PRSS22: variants seen among roughly 807,000 people sequenced by gnomAD.
PRSS22 encodes the protein serine protease 22.
In PRSS22, 26 loss-of-function variants were observed where a neutral mutation model predicts 28.0. The ratio of observed to expected loss-of-function variants is 0.93; its 90% CI spans 0.68 to 1.29. The LOEUF (loss-of-function observed/expected upper bound fraction) is 1.29, where lower values mean the gene tolerates loss of function less well. Ranked by LOEUF, PRSS22 falls within the 50% of genes most tolerant of loss-of-function variation. PRSS22 has a pLI of 0.00. For synonymous variants in PRSS22, 217 were observed against 177.9 expected, an observed-to-expected ratio of 1.22 and a Z score of -1.75; for missense variants, 444 against 422.1, an observed-to-expected ratio of 1.05 and a Z score of -0.46.
chr16:2,853,911 T>C lies in PRSS22; in HGVS notation c.671A>G (p.Asp224Gly). The C allele has an allele frequency of 6.2e-7, 1 of 1,614,106 alleles. No homozygotes were observed. The highest frequency in any genetic ancestry group is 1.1e-5 in the South Asian group (1 of 91,084). The part of the protein sequence containing the change: ...RGAGQGPITE[D>G]MLCAGYLEGE... ...CTCCAAGTAGCCGGCACACAGCATG[T>C]CCTCAGTGATGGGTCCCTGTCCTGC... The change falls in exon 5 of 6, where the codon GAC becomes GGC. Residue 224 changes from aspartate to glycine, a missense_variant. Physicochemically the swap from Asp to Gly is moderately conservative, Grantham distance 94. Coordinates refer to ENST00000161006, the MANE Select transcript of PRSS22 (RefSeq NM_022119.4). The surrounding 1 kb of genome is among the most constrained non-coding windows in gnomAD (Gnocchi z 4.6).
chr16:2,855,454 C>T, intron 4 of PRSS22, 120 bp downstream of exon 4: 1 of 1,111,358 alleles, frequency 9.0e-7, no homozygotes, highest in South Asian at 1.6e-5. Context: ...TTCCTTCCAC[C>T]TCTGTCATGC....
rs1303857264 is a variant in PRSS22 at position 2,856,179 on chromosome 16, G to T, written c.184C>A (p.Pro62Thr). The change falls in exon 3 of 6, where the codon CCC becomes ACC. Residue 62 changes from proline (P) to threonine (T), a missense_variant. Transcript: ENST00000161006. Reference sequence around the variant, plus strand: ...TTCTTCTGGATGCTCACGATCCAGGGCCACTCGCTGTCAGTGCTGTCCTCG... The same window carrying T: ...TTCTTCTGGATGCTCACGATCCAGGTCCACTCGCTGTCAGTGCTGTCCTCG... ...GGEDSTDSEW[P>T]WIVSIQKNGT... 6.2e-7 allele frequency: 1 copy of T among 1,613,820 alleles called. No individual in the cohort carries two copies. Among genetic ancestry groups the T allele is most frequent in the South Asian group, 1.1e-5 (1 of 91,068 alleles).
rs552636032 is a variant in PRSS22, at chr16:2,853,678, G to A, written c.717+187C>T. Among the ~76,000 whole-genome samples, 1 of 152,220 alleles carries A rather than the reference G, an allele frequency of 6.6e-6. No homozygotes were observed. Among genetic ancestry groups the A allele is most frequent in the Non-Finnish European group, 1.5e-5 (1 of 68,046 alleles). On this transcript the variant is annotated intron_variant, in intron 5 of 5. Transcript: ENST00000161006. This position sits in a 1 kb window ranked among gnomAD's most constrained non-coding sequence, Gnocchi z 4.6. ...GTGCAGCTGGGATGCCCAGTTTAATGTCTGAACAAATAAGTGAGTGGCTGA... is the reference window on the plus strand; with the variant it reads ...GTGCAGCTGGGATGCCCAGTTTAATATCTGAACAAATAAGTGAGTGGCTGA...
intron 4 of PRSS22, chr16:2,854,479 C>G (rs957321918): frequency 6.6e-5 from 11 of 166,694 alleles, no homozygotes; most frequent in Non-Finnish European, 1.3e-4. Context: ...TGAAGAAGCC[C>G]CTACAGAGAT....
chr16:2,856,769 G>A (rs150591480), intron 2 of PRSS22, 53 bp downstream of exon 2: 3 of 1,547,964 alleles, frequency 1.9e-6, no homozygotes, highest in Non-Finnish European at 2.6e-6. Flanking sequence ...GACACTGCCT[G>A]CGCGTGGGCC....
At chr16:2,855,965 G>A (rs1420673902) in intron 3 of PRSS22, 114 bp from the exon 4 acceptor site, 7 of 1,504,862 alleles carry the variant, frequency 4.7e-6, no homozygotes, top group Admixed American at 2.1e-5. Context: ...AGGTAGAATC[G>A]AGGGGCACCA....
chr16:2,853,221 T>G lies in PRSS22; in HGVS notation c.826A>C (p.Ile276Leu). ...CAGGAGCGGTGCGCAGAGAGGCTGA[T>G]GTAGACCCCGGGCCTGTTGCGCTCG... Reference protein sequence around the residue: ...CAERNRPGVYISLSAHRSWVE... With the variant: ...CAERNRPGVYLSLSAHRSWVE... Residue 276 changes from isoleucine (I) to leucine (L), a missense_variant, in exon 6 of 6, where the codon ATC becomes CTC. Transcript: ENST00000161006. This position sits in a 1 kb window ranked among gnomAD's most constrained non-coding sequence, Gnocchi z 4.6. 1 of 1,600,726 alleles carries G rather than the reference T, an allele frequency of 6.2e-7. No homozygotes were observed. Among genetic ancestry groups the G allele is most frequent in the Non-Finnish European group, 8.5e-7 (1 of 1,179,688 alleles).
At position 2,855,909 on chromosome 16, in the gene PRSS22, G is replaced by A. The variant is rs113810453; in HGVS notation, c.282-58C>T. On this transcript the variant is annotated intron_variant, in intron 3 of 5. Transcript: ENST00000161006. Reference sequence around the variant, plus strand: ...GCCTGGTCTGGGAGGAGGTACCTGGGGGAACAGCATGGGTGTGAAGGCCCC... The same window carrying A: ...GCCTGGTCTGGGAGGAGGTACCTGGAGGAACAGCATGGGTGTGAAGGCCCC... 5.9e-4 allele frequency: 932 copies of A among 1,570,246 alleles called. 4 individuals carry two copies. In the African/African-American group the frequency reaches 9.2e-3, roughly 15 times the overall value.
At chr16:2,854,675 A>G (rs2069438704) in intron 4 of PRSS22, among the ~76,000 whole-genome samples, 1 of 151,980 alleles carries the variant, frequency 6.6e-6, no homozygotes, top group African/African-American at 2.4e-5. Flanking sequence ...TTCTGCCTGT[A>G]TGTTTCTTTT....
intron 4 of PRSS22, 38 bp from the exon 5 acceptor site, chr16:2,854,060 C>T (rs757322021): frequency 1.9e-6 from 3 of 1,612,074 alleles, no homozygotes; most frequent in Non-Finnish European, 2.5e-6. Flanking sequence ...TTGGGGGTCT[C>T]CCCTCCTCGT....
Position 2,853,275 on chromosome 16 carries a change from C to A in PRSS22, c.772G>T (p.Gly258Cys). 1 of 1,600,232 alleles carries A rather than the reference C, an allele frequency of 6.2e-7. No individual in the cohort carries two copies. The highest frequency in any genetic ancestry group is 8.5e-7 in the Non-Finnish European group (1 of 1,179,606). ...CAGCCCTCGCCCCAGCTGATGATGC[C>A]GGCCAGCAGCCAGGCGCCGTCCACC... ...CQVDGAWLLA[G>C]IISWGEGCAE... Residue 258 changes from glycine to cysteine, a missense_variant, in exon 6 of 6, where the codon GGC (glycine) becomes TGC (cysteine). Physicochemically the swap from Gly to Cys is radical, Grantham distance 159. Transcript: ENST00000161006. This position sits in a 1 kb window ranked among gnomAD's most constrained non-coding sequence, Gnocchi z 4.6.
At chr16:2,857,444 G>A (rs2069472375) in intron 1 of PRSS22, among the ~76,000 whole-genome samples, 1 of 152,132 alleles carries the variant, frequency 6.6e-6, no homozygotes, top group African/African-American at 2.4e-5. Flanking sequence ...TGAGTACCTG[G>A]TGGTGAGGAA....
Position 2,852,951 on chromosome 16 carries a change from C to T in PRSS22, c.*142G>A, listed in dbSNP as rs1309044498. ...GCGGGTCGGGGAGGGGGTTTCCTTT[C>T]CGCAGCAGCCGTCCGGGCCCCCAGA... On this transcript the variant is annotated 3_prime_UTR_variant, in exon 6 of 6. Coordinates refer to ENST00000161006, the MANE Select transcript of PRSS22 (RefSeq NM_022119.4). 5 of 630,256 alleles carry T rather than the reference C, an allele frequency of 7.9e-6. No individual in the cohort carries two copies. Among genetic ancestry groups the T allele is most frequent in the East Asian group, 6.2e-5 (2 of 32,278 alleles). 39.0% of individuals were successfully genotyped at this position (630,256 alleles called of 1,614,324 possible).
At chr16:2,857,587 C>A in intron 1 of PRSS22, 1 of 164,350 alleles carries the variant, frequency 6.1e-6, no homozygotes, top group Non-Finnish European at 1.3e-5. Flanking sequence ...AGCTTCCCGT[C>A]CAGCCTGCCT....
chr16:2,856,737 G>T, intron 2 of PRSS22, 85 bp downstream of exon 2: 1 of 1,483,474 alleles, frequency 6.7e-7, no homozygotes, highest in Non-Finnish European at 9.2e-7. Flanking sequence ...TTTCTGACCT[G>T]TGCCCAGGGG....
chr16:2,856,219 G>A lies in PRSS22; in HGVS notation c.144C>T (p.Asn48=), dbSNP rs2069455083. The A allele has an allele frequency of 1.9e-6, 3 of 1,613,586 alleles. No homozygotes were observed. The African/African-American group carries it at 4.0e-5, about 22-fold the overall frequency. The change falls in exon 3 of 6, where the codon AAC becomes AAT. Residue 48 remains asparagine, a synonymous_variant. Coordinates refer to ENST00000161006, the MANE Select transcript of PRSS22 (RefSeq NM_022119.4). The part of the protein sequence containing the change: ...PPACGKPQQL[N]RVVGGEDSTD... ...TGCTGTCCTCGCCGCCCACAACCCG[G>A]TTCAGCTGCTGGGGCTTCCCACAGG...
rs753423446 is a variant in PRSS22 at position 2,856,217 on chromosome 16, C to T, written c.146G>A (p.Arg49Gln). ...PACGKPQQLN[R>Q]VVGGEDSTDS... ...AGTGCTGTCCTCGCCGCCCACAACCCGGTTCAGCTGCTGGGGCTTCCCACA... is the reference window on the plus strand; with the variant it reads ...AGTGCTGTCCTCGCCGCCCACAACCTGGTTCAGCTGCTGGGGCTTCCCACA... Residue 49 changes from arginine (R) to glutamine (Q), a missense_variant, in exon 3 of 6, where the codon CGG becomes CAG. By Grantham distance (43) the Arg-to-Gln change is conservative (BLOSUM62 1). Transcript: ENST00000161006. 4.1e-5 allele frequency: 66 copies of T among 1,613,612 alleles called. No homozygotes were observed. Among genetic ancestry groups the T allele is most frequent in the Non-Finnish European group, 5.1e-5 (60 of 1,179,950 alleles).
At position 2,855,659 on chromosome 16, in the gene PRSS22, C is replaced by T. The variant is rs780295798; in HGVS notation, c.474G>A (p.Leu158=). The T allele has an allele frequency of 1.9e-6, 3 of 1,614,064 alleles. No individual in the cohort carries two copies. In the Admixed American group the frequency reaches 5.0e-5, roughly 27 times the overall value. Residue 158 remains leucine, a synonymous_variant, in exon 4 of 6, where the codon CTG becomes CTA. Coordinates refer to ENST00000161006, the MANE Select transcript of PRSS22 (RefSeq NM_022119.4). ...TAGAGGCATCAGGTAGGCAGATGGG[C>T]AGGACCCGCTCTGAGAACTGTATGG... ...ERSIQFSERV[L]PICLPDASIH... is the part of the protein sequence containing the mutation.
chr16:2,856,404 T>C (rs2069457383), intron 2 of PRSS22, 151 bp from the exon 3 acceptor site: 5 of 798,976 alleles, frequency 6.3e-6, no homozygotes, highest in South Asian at 5.1e-5. Context: ...TCACTTGCAC[T>C]CCAAGCTCCA....
Sources: gnomAD v4.1 joint callset for allele counts (sites outside exome capture counted in the v4.1 genomes callset) on GRCh38, gnomAD v4.1.1 for gene constraint, Gnocchi (gnomAD v3.1) non-coding constraint, MANE v1.5 for transcripts, NCBI Gene and HGNC (gene_info 2026-07-23, HGNC 2026-07-21) for gene names.